Variants in ELOVL7 observed in about 807,000 individuals in gnomAD.
ELOVL7 encodes the protein ELOVL fatty acid elongase 7.
A neutral mutation model predicts 35.7 loss-of-function variants in ELOVL7; 27 were observed. That is an observed-to-expected ratio of 0.76 (90% CI 0.56 to 1.04). The LOEUF (loss-of-function observed/expected upper bound fraction) is 1.04, where lower values mean the gene tolerates loss of function less well. Among genes scored for constraint, ELOVL7 ranks in the 50% least tolerant of loss-of-function variants. The probability of loss-of-function intolerance (pLI) is 0.00; values close to 1 mark genes in which losing one functional copy is unlikely to be tolerated. For missense variants in ELOVL7, 327 were observed against 340.8 expected, an observed-to-expected ratio of 0.96 and a Z score of 0.32; for synonymous variants, 113 against 114.6, an observed-to-expected ratio of 0.99 and a Z score of 0.09.
intron 1 of ELOVL7, among the ~76,000 whole-genome samples, chr5:60,808,581 C>T (rs1010844422): frequency 6.6e-6 from 1 of 152,160 alleles, no homozygotes. Flanking sequence ...CTATTAAAAT[C>T]CCATATACTT....
chr5:60,766,414 G>A (rs1042136291), intron 6 of ELOVL7, among the ~76,000 whole-genome samples, 160 bp downstream of exon 6: 3 of 151,982 alleles, frequency 2.0e-5, no homozygotes. Flanking sequence ...GATAATAAAA[G>A]GTAAAAAAGA....
At chr5:60,840,566 A>T (rs1747106263) in intron 1 of ELOVL7, among the ~76,000 whole-genome samples, 1 of 152,216 alleles carries the variant, frequency 6.6e-6, no homozygotes, top group Non-Finnish European at 1.5e-5. Context: ...CAAGCTACCC[A>T]GTTGGTGGTA....
chr5:60,832,341 G>A (rs961810880), intron 1 of ELOVL7, among the ~76,000 whole-genome samples: 7 of 152,128 alleles, frequency 4.6e-5, no homozygotes, highest in Admixed American at 2.0e-4. Context: ...TGATGAAATA[G>A]TAAAACCTAA....
intron 1 of ELOVL7, among the ~76,000 whole-genome samples, chr5:60,840,796 T>G (rs1269630815): frequency 6.6e-6 from 1 of 152,162 alleles, no homozygotes; most frequent in African/African-American, 2.4e-5. Flanking sequence ...CATTAGGAAA[T>G]GAGTCCCAAC....
intron 1 of ELOVL7, among the ~76,000 whole-genome samples, chr5:60,830,097 G>C (rs1746393277): frequency 6.6e-6 from 1 of 152,134 alleles, no homozygotes; most frequent in African/African-American, 2.4e-5. Context: ...CACAACCACA[G>C]CTCAGGGCTC....
chr5:60,838,520 C>T (rs1362156000), intron 1 of ELOVL7, among the ~76,000 whole-genome samples: 1 of 152,180 alleles, frequency 6.6e-6, no homozygotes, highest in Admixed American at 6.5e-5. Flanking sequence ...AAAGCTAACA[C>T]TCAAATGTTT....
At chr5:60,839,029 A>AT (rs1491544312) in intron 1 of ELOVL7, among the ~76,000 whole-genome samples, 40 of 83,262 alleles carry the variant, frequency 4.8e-4, no homozygotes, top group East Asian at 1.1e-3. Flanking sequence ...GTCAAAAAAA[A>AT]ATATATATAT....
intron 1 of ELOVL7, among the ~76,000 whole-genome samples, chr5:60,823,834 T>C (rs1036151352): frequency 2.6e-5 from 4 of 152,182 alleles, no homozygotes; most frequent in Non-Finnish European, 5.9e-5. Flanking sequence ...TAGCCTGGGC[T>C]CCAGGATTTT....
intron 7 of ELOVL7, among the ~76,000 whole-genome samples, chr5:60,760,034 A>G (rs1741801133): frequency 6.6e-6 from 1 of 152,122 alleles, no homozygotes; most frequent in Non-Finnish European, 1.5e-5. Context: ...AATCCAGTCT[A>G]TCATTGTTGG....
intron 1 of ELOVL7, among the ~76,000 whole-genome samples, chr5:60,826,372 AT>A (rs369512592): frequency 1.5e-4 from 23 of 150,046 alleles, no homozygotes; most frequent in African/African-American, 2.0e-4. Context: ...TGTGATTCTG[AT>A]TTTTTTTTTA....
At chr5:60,843,829 C>G (rs974240368) in intron 1 of ELOVL7, among the ~76,000 whole-genome samples, 13 of 152,108 alleles carry the variant, frequency 8.5e-5, no homozygotes, top group Admixed American at 8.5e-4. Flanking sequence ...CCGGGCCCGA[C>G]CTTCCCTTCG....
chr5:60,798,283 G>T (rs1335157424), intron 2 of ELOVL7, among the ~76,000 whole-genome samples: 1 of 152,166 alleles, frequency 6.6e-6, no homozygotes, highest in Non-Finnish European at 1.5e-5. Flanking sequence ...AGAAAATGAA[G>T]AAGTCATAAA....
In ELOVL7 at chr5:60,766,566, A is replaced by C. The variant is rs775820530; in HGVS notation, c.393+8T>G. On this transcript the variant is annotated splice_region_variant and intron_variant, in intron 6 of 8. Coordinates refer to ENST00000508821, the MANE Select transcript of ELOVL7 (RefSeq NM_024930.3). ...AACATTTACCAAATGTGGTGGCCAT[A>C]TACTCACCGTATCTAATAGCTCAAT... The C allele has an allele frequency of 6.2e-7, 1 of 1,609,266 alleles. No individual in the cohort carries two copies. The highest frequency in any genetic ancestry group is 1.1e-5 in the South Asian group (1 of 89,824).
chr5:60,815,746 C>A (rs549046677), intron 1 of ELOVL7, among the ~76,000 whole-genome samples: 1 of 151,838 alleles, frequency 6.6e-6, no homozygotes, highest in Admixed American at 6.6e-5. Context: ...TTTTCTATTT[C>A]TTTTTAGTAG....
chr5:60,785,523 C>G (rs1258191236), intron 3 of ELOVL7, among the ~76,000 whole-genome samples: 1 of 152,158 alleles, frequency 6.6e-6, no homozygotes, highest in East Asian at 1.9e-4. Flanking sequence ...ACCAAGAGAT[C>G]TGTTCTTCCA....
intron 3 of ELOVL7, among the ~76,000 whole-genome samples, chr5:60,779,416 C>T (rs1281222440): frequency 1.3e-5 from 2 of 152,214 alleles, no homozygotes; most frequent in Non-Finnish European, 2.9e-5. Context: ...CCTCTGAAAT[C>T]TAGGTAGAGG....
chr5:60,781,313 T>C (rs992922124), intron 3 of ELOVL7, among the ~76,000 whole-genome samples: 2 of 152,140 alleles, frequency 1.3e-5, no homozygotes, highest in African/African-American at 2.4e-5. Context: ...TTGACTTTTG[T>C]TTTTTCTTTT....
intron 6 of ELOVL7, among the ~76,000 whole-genome samples, chr5:60,766,300 C>G (rs1742230921): frequency 6.6e-6 from 1 of 152,190 alleles, no homozygotes; most frequent in African/African-American, 2.4e-5. Flanking sequence ...ATGACACAGT[C>G]ACCATGCTTA....
At chr5:60,813,359 C>A (rs1165735226) in intron 1 of ELOVL7, among the ~76,000 whole-genome samples, 1 of 152,104 alleles carries the variant, frequency 6.6e-6, no homozygotes, top group East Asian at 1.9e-4. Context: ...ATAACTCTTG[C>A]CTCTACTCAT....
Sources: gnomAD v4.1 joint callset for allele counts (sites outside exome capture counted in the v4.1 genomes callset) on GRCh38, gnomAD v4.1.1 for gene constraint, MANE v1.5 for transcripts, NCBI Gene and HGNC (gene_info 2026-07-23, HGNC 2026-07-21) for gene names.